KDM4C: variants seen among roughly 807,000 people sequenced by gnomAD.
KDM4C encodes lysine-specific demethylase 4C.
KDM4C carries 81 observed loss-of-function variants against 129.3 expected under a neutral mutation model. The ratio of observed to expected loss-of-function variants is 0.63; its 90% CI spans 0.52 to 0.75. The LOEUF (loss-of-function observed/expected upper bound fraction) is 0.75, where lower values mean the gene tolerates loss of function less well. KDM4C is among the 30% of genes least tolerant of loss of function. The probability of loss-of-function intolerance (pLI) is 0.00; values close to 1 mark genes in which losing one functional copy is unlikely to be tolerated. For synonymous variants in KDM4C, 573 were observed against 456.1 expected (o/e 1.26, Z -3.26); for missense variants, 1,457 against 1,304.0 (o/e 1.12, Z -1.81).
intron 18 of KDM4C, among the ~76,000 whole-genome samples, chr9:7,116,842 G>A (rs1488921189): frequency 6.6e-6 from 1 of 152,140 alleles, no homozygotes; most frequent in Non-Finnish European, 1.5e-5. Flanking sequence ...TAAGCAGTGT[G>A]TCTTTATAGG....
chr9:6,908,536 C>A (rs955398453), intron 8 of KDM4C, among the ~76,000 whole-genome samples: 1 of 152,016 alleles, frequency 6.6e-6, no homozygotes, highest in African/African-American at 2.4e-5. Flanking sequence ...CCCACCTGGC[C>A]CAACATGCTC....
chr9:6,825,448 GGTAACTGT>G (rs1368341539), intron 4 of KDM4C, among the ~76,000 whole-genome samples: 1 of 152,180 alleles, frequency 6.6e-6, no homozygotes, highest in Non-Finnish European at 1.5e-5. Flanking sequence ...CTTAGGGCAA[GGTAACTGT>G]GTTCTATCTT....
chr9:7,162,877 A>G (rs1843951168), intron 19 of KDM4C, among the ~76,000 whole-genome samples: 1 of 152,118 alleles, frequency 6.6e-6, no homozygotes, highest in African/African-American at 2.4e-5. Context: ...AATAAATAGC[A>G]TGTCTCGCCC....
intron 11 of KDM4C, chr9:6,986,900 C>T: frequency 2.3e-6 from 1 of 425,858 alleles, no homozygotes; most frequent in East Asian, 3.5e-5. Context: ...GCTTGATTTT[C>T]TTTTTTTTGT....
At chr9:6,881,120 A>T (rs1844383976) in intron 6 of KDM4C, among the ~76,000 whole-genome samples, 1 of 152,196 alleles carries the variant, frequency 6.6e-6, no homozygotes, top group Admixed American at 6.5e-5. Context: ...ATGTGCTTTC[A>T]ATTAATAATG....
At chr9:6,774,723 A>G (rs1281781363) in intron 1 of KDM4C, among the ~76,000 whole-genome samples, 1 of 152,218 alleles carries the variant, frequency 6.6e-6, no homozygotes, top group Non-Finnish European at 1.5e-5. Context: ...TATTACCTAT[A>G]TTGATTGTTT....
chr9:6,731,325 CTTTTTT>C (rs34724329), intron 1 of KDM4C, among the ~76,000 whole-genome samples: 5 of 114,052 alleles, frequency 4.4e-5, no homozygotes, highest in African/African-American at 6.6e-5. Flanking sequence ...TTTTTTTTTG[CTTTTTT>C]TTTTTTTTTT....
chr9:6,974,038 G>A (rs921267586), intron 8 of KDM4C, among the ~76,000 whole-genome samples: 3 of 152,184 alleles, frequency 2.0e-5, no homozygotes, highest in Non-Finnish European at 4.4e-5. Flanking sequence ...AAAGAGGCTG[G>A]TGGGCAGGAT....
rs574003992 is a variant in KDM4C, at chr9:7,080,047, A to T, written c.2425-23638A>T. Among the ~76,000 whole-genome samples the T allele has an allele frequency of 2.0e-5, 3 of 151,338 alleles. No homozygotes were observed. In the South Asian group the frequency reaches 6.3e-4, roughly 32 times the overall value. On this transcript the variant is annotated intron_variant, in intron 17 of 21. Transcript: ENST00000381309. ...AGGTAATAAATACTGAAAAAAAAAAATGGCACTTCATCTAGGCCATGGATT... is the reference window on the plus strand; with the variant it reads ...AGGTAATAAATACTGAAAAAAAAAATTGGCACTTCATCTAGGCCATGGATT...
At chr9:7,101,671 C>A (rs548864668) in intron 17 of KDM4C, among the ~76,000 whole-genome samples, 2 of 152,320 alleles carry the variant, frequency 1.3e-5, no homozygotes, top group South Asian at 4.1e-4. Context: ...ATTCTGTCTT[C>A]TTACGCCTTT....
Position 7,174,453 on chromosome 9 carries a change from C to T in KDM4C, c.2995-100C>T, listed in dbSNP as rs1158007651. The T allele has an allele frequency of 3.6e-6, 4 of 1,103,754 alleles. No homozygotes were observed. The African/African-American group carries it at 4.7e-5, about 13-fold the overall frequency. The allele number at this position is 1,103,754 out of a possible 1,614,324, so 68.4% of individuals were successfully genotyped here. On this transcript the variant is annotated intron_variant, in intron 21 of 21. Coordinates refer to ENST00000381309, the MANE Select transcript of KDM4C (RefSeq NM_015061.6). ...TTTTAGCCTGAGCTGGTGACCTGGG[C>T]ATCTGCACCCTAACCCCAGCTGACC...
chr9:6,972,270 C>T (rs1179246585), intron 8 of KDM4C, among the ~76,000 whole-genome samples: 1 of 151,396 alleles, frequency 6.6e-6, no homozygotes, highest in Non-Finnish European at 1.5e-5. Flanking sequence ...TATATATACA[C>T]ACATATGTAT....
chr9:6,962,266 AGT>A (rs922027963), intron 8 of KDM4C, among the ~76,000 whole-genome samples: 2 of 152,218 alleles, frequency 1.3e-5, no homozygotes, highest in East Asian at 1.9e-4. Flanking sequence ...TTCCTGTAGC[AGT>A]GTTTAATCTA....
At chr9:7,068,337 G>T (rs547937675) in intron 17 of KDM4C, among the ~76,000 whole-genome samples, 2 of 151,972 alleles carry the variant, frequency 1.3e-5, no homozygotes, top group South Asian at 2.1e-4. Context: ...CTTATTTTCC[G>T]CACTTAGAAG....
Position 6,786,807 on chromosome 9 carries a change from C to T in KDM4C, c.-17-6165C>T, listed in dbSNP as rs552663486. On this transcript the variant is annotated intron_variant, in intron 1 of 21. Coordinates refer to ENST00000381309, the MANE Select transcript of KDM4C (RefSeq NM_015061.6). ...TTTAAATGTAATGAATGTAAGTAGG[C>T]ACCTCCCAGAAAAAGAAATGCAAAT... Among the ~76,000 whole-genome samples the T allele has an allele frequency of 3.9e-5, 6 of 152,184 alleles. No individual in the cohort carries two copies. In the East Asian group the frequency reaches 1.2e-3, roughly 29 times the overall value.
intron 5 of KDM4C, among the ~76,000 whole-genome samples, chr9:6,868,111 C>G (rs552295022): frequency 4.9e-4 from 74 of 152,028 alleles, no homozygotes; most frequent in African/African-American, 1.8e-3. Flanking sequence ...CTTTCTCGCA[C>G]CAAACCCTCC....
intron 4 of KDM4C, among the ~76,000 whole-genome samples, chr9:6,839,900 C>T: frequency 6.6e-6 from 1 of 151,154 alleles, no homozygotes; most frequent in Non-Finnish European, 1.5e-5. Context: ...GAGACTCCAT[C>T]TCAAAAAAAT....
intron 8 of KDM4C, chr9:6,973,914 G>A (rs886997892): frequency 3.9e-5 from 6 of 152,210 alleles, no homozygotes; most frequent in South Asian, 2.1e-4. Context: ...TCGCTCAGAT[G>A]GTACTTACTG....
At position 6,920,824 on chromosome 9, in the gene KDM4C, C is replaced by T. The variant is rs575565112; in HGVS notation, c.921+27592C>T. Among the ~76,000 whole-genome samples the T allele has an allele frequency of 2.4e-3, 368 of 152,176 alleles. 5 individuals are homozygous for T. Among genetic ancestry groups the T allele is most frequent in the African/African-American group, 8.7e-3 (360 of 41,516 alleles). ...TAGGCAGGTAAAGGAACTACTTCAC[C>T]TTCTTTGAAAGGGACTGGGGCCAGG... is the stretch of plus-strand genomic sequence containing the variant. On this transcript the variant is annotated intron_variant, in intron 8 of 21. Coordinates refer to ENST00000381309, the MANE Select transcript of KDM4C (RefSeq NM_015061.6).
Sources: allele counts gnomAD v4.1 joint callset (sites outside exome capture counted in the v4.1 genomes callset), GRCh38; gene constraint gnomAD v4.1.1; transcripts MANE v1.5; gene names NCBI Gene and HGNC (gene_info 2026-07-23, HGNC 2026-07-21).